NRXN3: variants seen among roughly 807,000 people sequenced by gnomAD.
The protein encoded by NRXN3 is neurexin 3, also known as neurexin III.
A neutral mutation model predicts 137.6 loss-of-function variants in NRXN3; 32 were observed. That is an observed-to-expected ratio of 0.23 (90% CI 0.18 to 0.31). The LOEUF is 0.31. NRXN3 is among the 10% of genes least tolerant of loss of function. The pLI is 1.00. For missense variants in NRXN3, 1,574 were observed against 2,062.5 expected (o/e 0.76, Z 4.59); for synonymous variants, 798 against 784.5 (o/e 1.02, Z -0.29).
chr14:79,252,152 T>TAA (rs2076018494), intron 15 of NRXN3, among the ~76,000 whole-genome samples: 2 of 152,180 alleles, frequency 1.3e-5, no homozygotes, highest in Non-Finnish European at 2.9e-5. Flanking sequence ...TCTTGTACAT[T>TAA]CCGACGGGTT....
intron 4 of NRXN3, among the ~76,000 whole-genome samples, chr14:78,482,602 A>G (rs992653994): frequency 6.6e-6 from 1 of 152,130 alleles, no homozygotes; most frequent in African/African-American, 2.4e-5. Flanking sequence ...ATTCTTTAGT[A>G]CTTGTCTCAT....
chr14:79,354,465 G>A lies in NRXN3; in HGVS notation c.3263-112756G>A, dbSNP rs181768595. Among the ~76,000 whole-genome samples, 222 of 152,226 alleles carry A rather than the reference G, an allele frequency of 1.5e-3. 1 individual carries two copies. Among genetic ancestry groups the A allele is most frequent in the African/African-American group, 5.0e-3 (206 of 41,538 alleles). ...TGAATTTTTAGTCCATGAAACCTGA[G>A]GAGTTACTTGACCACAGCAAAGATT... On this transcript the variant is annotated intron_variant, in intron 15 of 20. Coordinates refer to ENST00000335750, the MANE Select transcript of NRXN3 (RefSeq NM_001330195.2).
At chr14:78,747,618 T>C (rs1261198949) in intron 8 of NRXN3, among the ~76,000 whole-genome samples, 1 of 152,252 alleles carries the variant, frequency 6.6e-6, no homozygotes, top group African/African-American at 2.4e-5. Context: ...CCATCCCATC[T>C]GTATTTTTTC....
chr14:78,912,302 A>G (rs1008958848), intron 10 of NRXN3, among the ~76,000 whole-genome samples: 1 of 150,796 alleles, frequency 6.6e-6, no homozygotes, highest in Non-Finnish European at 1.5e-5. Flanking sequence ...AATACCCAGA[A>G]CAAATTGGTA....
chr14:78,967,904 C>T (rs963778091), intron 13 of NRXN3, among the ~76,000 whole-genome samples: 1 of 152,046 alleles, frequency 6.6e-6, no homozygotes, highest in Non-Finnish European at 1.5e-5. Context: ...TAAATGCTTG[C>T]TTTGTTGACA....
intron 8 of NRXN3, among the ~76,000 whole-genome samples, chr14:78,789,951 T>C (rs1194137181): frequency 2.0e-5 from 3 of 152,180 alleles, no homozygotes; most frequent in Non-Finnish European, 2.9e-5. Flanking sequence ...TGCTATATTC[T>C]GTACTAATGA....
At chr14:78,805,614 AC>A (rs953292917) in intron 9 of NRXN3, among the ~76,000 whole-genome samples, 6 of 151,386 alleles carry the variant, frequency 4.0e-5, no homozygotes, top group African/African-American at 1.2e-4. Context: ...AAAAAAAAAA[AC>A]AGAACCAAAT....
At chr14:78,688,181 C>A (rs1867346089) in intron 6 of NRXN3, among the ~76,000 whole-genome samples, 1 of 152,098 alleles carries the variant, frequency 6.6e-6, no homozygotes, top group South Asian at 2.1e-4. Context: ...TTATAGGTAC[C>A]TGTTGAGAAC....
intron 15 of NRXN3, among the ~76,000 whole-genome samples, chr14:79,070,797 T>G (rs1018752143): frequency 1.3e-5 from 2 of 152,180 alleles, no homozygotes; most frequent in East Asian, 3.8e-4. Flanking sequence ...ACATTTATGG[T>G]AGGAAAATTT....
At chr14:79,802,205 T>C (rs944659587) in intron 19 of NRXN3, among the ~76,000 whole-genome samples, 1 of 152,222 alleles carries the variant, frequency 6.6e-6, no homozygotes, top group African/African-American at 2.4e-5. Context: ...TTAAACTTTA[T>C]TGCCAGGCTT....
At chr14:78,202,189 C>T (rs571541593) in intron 1 of NRXN3, among the ~76,000 whole-genome samples, 3 of 152,238 alleles carry the variant, frequency 2.0e-5, no homozygotes, top group South Asian at 2.1e-4. Flanking sequence ...GAGGGGGAAA[C>T]GAAAGGCTGG....
chr14:79,677,565 T>C lies in NRXN3; in HGVS notation c.3616+13616T>C, dbSNP rs190164958. On this transcript the variant is annotated intron_variant, in intron 17 of 20. Transcript: ENST00000335750. ...GGTAAAAATAAAGGCAATATATTGT[T>C]CTCAGGGAGCAATTGAGCTCTCCTA... 1.8e-4 allele frequency among the ~76,000 whole-genome samples: 28 copies of C among 152,248 alleles called. No homozygotes were observed. The East Asian group carries it at 5.4e-3, about 29-fold the overall frequency.
At chr14:79,756,118 A>C (rs1028370371) in intron 19 of NRXN3, among the ~76,000 whole-genome samples, 1 of 152,170 alleles carries the variant, frequency 6.6e-6, no homozygotes, top group Non-Finnish European at 1.5e-5. Flanking sequence ...CATAACTGGC[A>C]GGCATGAGTC....
At chr14:78,266,633 A>T (rs1240967025) in intron 2 of NRXN3, among the ~76,000 whole-genome samples, 1 of 152,002 alleles carries the variant, frequency 6.6e-6, no homozygotes, top group African/African-American at 2.4e-5. Context: ...ACGTCTCCTT[A>T]TCTGGGTTTC....
intron 15 of NRXN3, among the ~76,000 whole-genome samples, chr14:79,161,353 C>A (rs2060750723): frequency 6.6e-6 from 1 of 151,920 alleles, no homozygotes; most frequent in Non-Finnish European, 1.5e-5. Flanking sequence ...ACTATAGAAA[C>A]TTCTGCATTC....
intron 15 of NRXN3, among the ~76,000 whole-genome samples, chr14:79,308,191 C>A (rs568110021): frequency 2.0e-5 from 3 of 152,196 alleles, no homozygotes. Context: ...GTTAGGACTT[C>A]AACATATGAA....
intron 15 of NRXN3, among the ~76,000 whole-genome samples, chr14:79,181,257 G>T (rs932993485): frequency 2.0e-5 from 3 of 152,068 alleles, no homozygotes; most frequent in Admixed American, 2.0e-4. Flanking sequence ...AAGCCTGTAA[G>T]TTAGCACAAC....
intron 19 of NRXN3, among the ~76,000 whole-genome samples, chr14:79,768,633 C>G (rs544448652): frequency 2.6e-4 from 39 of 152,326 alleles, no homozygotes; most frequent in Middle Eastern, 3.4e-3. Flanking sequence ...ACATCACCAT[C>G]ATCAAAGACC....
In NRXN3 at chr14:79,865,636, G is replaced by T. The variant is rs971526430; in HGVS notation, c.*3672G>T. On this transcript the variant is annotated 3_prime_UTR_variant, in exon 21 of 21. Transcript: ENST00000335750. The stretch of plus-strand genomic sequence containing the variant: ...CTGTCTTCAAAGTTCTGTATTAGAT[G>T]TTCTCCCATCATTTTTTGAGATGGA... 4 of 151,696 alleles carry T rather than the reference G, an allele frequency of 2.6e-5. No individual in the cohort carries two copies. Among genetic ancestry groups the T allele is most frequent in the African/African-American group, 9.7e-5 (4 of 41,274 alleles). The allele number at this position is 151,696 out of a possible 1,614,324, so 9.4% of individuals were successfully genotyped here. A position where few individuals can be genotyped will look rare whatever the true frequency, so the allele number is the denominator to read the frequency against.
Sources: allele counts gnomAD v4.1 joint callset (sites outside exome capture counted in the v4.1 genomes callset), GRCh38; gene constraint gnomAD v4.1.1; transcripts MANE v1.5; gene names NCBI Gene and HGNC (gene_info 2026-07-23, HGNC 2026-07-21).